Variants in PRKN observed in about 807,000 individuals in gnomAD.
PRKN encodes parkin RBR E3 ubiquitin protein ligase.
PRKN carries 56 observed loss-of-function variants against 59.5 expected under a neutral mutation model. That is an observed-to-expected ratio of 0.94 (90% CI 0.76 to 1.18). The LOEUF is 1.18. PRKN is among the 50% of genes most tolerant of loss of function. The pLI, the probability that PRKN is intolerant of heterozygous loss-of-function variation, is 0.00. For missense variants in PRKN, 657 were observed against 596.4 expected, an observed-to-expected ratio of 1.10 and a Z score of -1.06; for synonymous variants, 250 against 222.1, an observed-to-expected ratio of 1.13 and a Z score of -1.12.
intron 1 of PRKN, among the ~76,000 whole-genome samples, chr6:162,637,374 C>T (rs1203352366): frequency 6.6e-6 from 1 of 150,522 alleles, no homozygotes; most frequent in Non-Finnish European, 1.5e-5. Context: ...CACACTGGTG[C>T]ATACACACAA....
chr6:162,106,500 C>T (rs1380432149), intron 4 of PRKN, among the ~76,000 whole-genome samples: 1 of 150,452 alleles, frequency 6.6e-6, no homozygotes, highest in East Asian at 1.9e-4. Flanking sequence ...GTTGAAATAA[C>T]CTAAACATTT....
At position 161,440,527 on chromosome 6, in the gene PRKN, G is replaced by T. The variant is rs1378763193; in HGVS notation, c.1084-53650C>A. Among the ~76,000 whole-genome samples the T allele has an allele frequency of 2.0e-5, 3 of 152,200 alleles. No homozygotes were observed. The highest frequency in any genetic ancestry group is 6.5e-5 in the Admixed American group (1 of 15,280). On this transcript the variant is annotated intron_variant, in intron 9 of 11. Coordinates refer to ENST00000366898, the MANE Select transcript of PRKN (RefSeq NM_004562.3). The surrounding 1 kb of genome is among the most constrained non-coding windows in gnomAD (Gnocchi z 4.1). The stretch of plus-strand genomic sequence containing the variant: ...CTCTCGGGATAGATTGAATTGTTCT[G>T]CAAAGACATGGTCGGCAGACACAGA...
rs1194759877 is a variant in PRKN, at chr6:161,400,414, T to C, written c.1084-13537A>G. Among the ~76,000 whole-genome samples, 2 of 151,874 alleles carry C rather than the reference T, an allele frequency of 1.3e-5. No individual in the cohort carries two copies. The highest frequency in any genetic ancestry group is 1.5e-5 in the Non-Finnish European group (1 of 67,952). Reference sequence around the variant, plus strand: ...CCTGTACCTCCCAGGTTCAAGCAATTCTCCTGCCTCAGCCTCCCAAGTAGC... The same window carrying C: ...CCTGTACCTCCCAGGTTCAAGCAATCCTCCTGCCTCAGCCTCCCAAGTAGC... On this transcript the variant is annotated intron_variant, in intron 9 of 11. Transcript: ENST00000366898. This position sits in a 1 kb window ranked among gnomAD's most constrained non-coding sequence, Gnocchi z 4.2.
intron 1 of PRKN, among the ~76,000 whole-genome samples, chr6:162,526,303 G>A: frequency 6.7e-6 from 1 of 148,468 alleles, no homozygotes. Flanking sequence ...AAAATACTTG[G>A]TATCATTAGA....
chr6:162,497,792 T>C (rs2128186885), intron 1 of PRKN, among the ~76,000 whole-genome samples: 1 of 152,106 alleles, frequency 6.6e-6, no homozygotes, highest in East Asian at 1.9e-4. Flanking sequence ...GGAAAAGAGG[T>C]TGGTTAATGG....
intron 6 of PRKN, among the ~76,000 whole-genome samples, chr6:161,836,567 C>T (rs534097136): frequency 6.6e-6 from 1 of 152,294 alleles, no homozygotes; most frequent in African/African-American, 2.4e-5. Context: ...TAAACCTGCT[C>T]ATTATTCTAC....
intron 2 of PRKN, among the ~76,000 whole-genome samples, chr6:162,368,540 C>T (rs552211641): frequency 6.6e-6 from 1 of 152,214 alleles, no homozygotes; most frequent in East Asian, 1.9e-4. Context: ...AGGCTTGTCA[C>T]GAGTCAGCAC....
intron 9 of PRKN, among the ~76,000 whole-genome samples, chr6:161,515,227 A>G (rs113629686): frequency 3.0e-4 from 45 of 152,264 alleles, no homozygotes; most frequent in African/African-American, 1.1e-3. Context: ...TCAGCATCCA[A>G]CTGTTTTCCC....
chr6:161,949,242 T>G (rs888858460), intron 6 of PRKN, among the ~76,000 whole-genome samples: 4 of 152,206 alleles, frequency 2.6e-5, no homozygotes, highest in African/African-American at 9.7e-5. Context: ...CTGGGAGTGG[T>G]GGCTCACGCC....
intron 7 of PRKN, among the ~76,000 whole-genome samples, chr6:161,659,953 G>A (rs1784484877): frequency 6.6e-6 from 1 of 152,146 alleles, no homozygotes; most frequent in East Asian, 1.9e-4. Flanking sequence ...CAGGTAGGGA[G>A]GGGTACTGGT....
At chr6:161,914,688 T>C (rs75823395) in intron 6 of PRKN, among the ~76,000 whole-genome samples, 4,059 of 152,096 alleles carry the variant, frequency 0.027, 73 homozygotes, top group Non-Finnish European at 0.04. Flanking sequence ...AGCGTGTTGG[T>C]TGGTACCATG....
chr6:162,331,999 G>T (rs750941090), intron 2 of PRKN, among the ~76,000 whole-genome samples: 5 of 152,112 alleles, frequency 3.3e-5, no homozygotes, highest in Non-Finnish European at 7.4e-5. Context: ...CTTGCAAAAT[G>T]CCAGTCTTGT....
intron 1 of PRKN, among the ~76,000 whole-genome samples, chr6:162,556,372 T>TGTGTGTGC (rs1554243469): frequency 8.1e-5 from 8 of 99,288 alleles, no homozygotes; most frequent in African/African-American, 2.3e-4. Context: ...TGTGTGTGTG[T>TGTGTGTGC]GTGTGTGTGT....
At chr6:161,595,095 T>C (rs1351111233) in intron 7 of PRKN, among the ~76,000 whole-genome samples, 1 of 152,194 alleles carries the variant, frequency 6.6e-6, no homozygotes, top group Non-Finnish European at 1.5e-5. Context: ...ACAATGTAAT[T>C]GTTGACTCCA....
chr6:161,533,635 G>A lies in PRKN; in HGVS notation c.1083+15219C>T, dbSNP rs967839196. Among the ~76,000 whole-genome samples the A allele has an allele frequency of 6.6e-6, 1 of 152,120 alleles. No homozygotes were observed. Among genetic ancestry groups the A allele is most frequent in the African/African-American group, 2.4e-5 (1 of 41,424 alleles). ...GTCACACCTGGTCAAACCAATCTGT[G>A]AGCCCTACGTAAATCAGACACTGCC... On this transcript the variant is annotated intron_variant, in intron 9 of 11. Coordinates refer to ENST00000366898, the MANE Select transcript of PRKN (RefSeq NM_004562.3). The surrounding 1 kb of genome is among the most constrained non-coding windows in gnomAD (Gnocchi z 4.1).
chr6:161,670,737 A>T (rs1227697065), intron 7 of PRKN, among the ~76,000 whole-genome samples: 1 of 151,904 alleles, frequency 6.6e-6, no homozygotes, highest in South Asian at 2.1e-4. Flanking sequence ...AATGGCATGA[A>T]CCCGGGAGGC....
At chr6:161,802,682 C>A (rs1653726181) in intron 6 of PRKN, among the ~76,000 whole-genome samples, 1 of 152,164 alleles carries the variant, frequency 6.6e-6, no homozygotes, top group Admixed American at 6.5e-5. Flanking sequence ...ACCCTACATT[C>A]CCACATTCCC....
intron 6 of PRKN, among the ~76,000 whole-genome samples, chr6:161,812,275 C>A (rs1370969684): frequency 2.0e-5 from 3 of 152,014 alleles, no homozygotes; most frequent in African/African-American, 7.2e-5. Context: ...TGCCTGTAGT[C>A]CCAGATACTC....
intron 4 of PRKN, among the ~76,000 whole-genome samples, chr6:162,080,644 C>A (rs548444954): frequency 1.3e-5 from 2 of 152,230 alleles, no homozygotes; most frequent in African/African-American, 4.8e-5. Context: ...CAAGTCATAA[C>A]CTTTTTTGCT....
Sources: allele counts gnomAD v4.1 joint callset (sites outside exome capture counted in the v4.1 genomes callset), GRCh38; gene constraint gnomAD v4.1.1; non-coding constraint Gnocchi (gnomAD v3.1); transcripts MANE v1.5; gene names NCBI Gene and HGNC (gene_info 2026-07-23, HGNC 2026-07-21).